MYO5A: variants seen among roughly 807,000 people sequenced by gnomAD.
The protein encoded by MYO5A is unconventional myosin-Va.
Under a neutral mutation model 249.7 loss-of-function variants are expected in MYO5A, and 98 were observed. The observed-to-expected ratio is 0.39, with a 90% CI of 0.33 to 0.46. The LOEUF (loss-of-function observed/expected upper bound fraction) is 0.46, where lower values mean the gene tolerates loss of function less well. Among genes scored for constraint, MYO5A ranks in the 20% least tolerant of loss-of-function variants. The pLI is 0.98. For synonymous variants in MYO5A, 778 were observed against 810.6 expected (o/e 0.96, Z 0.68); for missense variants, 1,696 against 2,308.8 (o/e 0.73, Z 5.44).
At chr15:52,458,755 AAT>A (rs2076170878) in intron 1 of MYO5A, among the ~76,000 whole-genome samples, 1 of 118,034 alleles carries the variant, frequency 8.5e-6, no homozygotes, top group South Asian at 3.4e-4. Flanking sequence ...TACAAATATA[AAT>A]AAATATAAAA....
rs2037747640 is a variant in MYO5A at position 52,310,704 on chromosome 15, G to A, written c.*2992C>T. 1 of 152,362 alleles carries A rather than the reference G, an allele frequency of 6.6e-6. No individual in the cohort carries two copies. The highest frequency in any genetic ancestry group is 2.1e-4 in the South Asian group (1 of 4,822). The allele number at this position is 152,362 out of a possible 1,614,324, so 9.4% of individuals were successfully genotyped here. A position where few individuals can be genotyped will look rare whatever the true frequency, so the allele number is the denominator to read the frequency against. The stretch of plus-strand genomic sequence containing the variant: ...CGATTAAGTTGAGGGAAGGGGAAGA[G>A]TGAATGAGTAGGGGAAAGGCTGGCA... On this transcript the variant is annotated 3_prime_UTR_variant, in exon 42 of 42. Transcript: ENST00000399233.
intron 1 of MYO5A, among the ~76,000 whole-genome samples, chr15:52,460,615 C>G (rs1184342350): frequency 3.3e-5 from 5 of 152,130 alleles, no homozygotes; most frequent in African/African-American, 1.2e-4. Flanking sequence ...AGCCTCGGCT[C>G]GGCATCAGAG....
intron 39 of MYO5A, among the ~76,000 whole-genome samples, chr15:52,317,834 T>C (rs187066815): frequency 3.3e-5 from 5 of 152,300 alleles, no homozygotes; most frequent in Admixed American, 2.0e-4. Flanking sequence ...AAAGACATTG[T>C]AGGTTTCACA....
chr15:52,384,145 A>C lies in MYO5A; in HGVS notation c.1914+16T>G, dbSNP rs1156307560. 7.4e-6 allele frequency: 12 copies of C among 1,613,946 alleles called. No individual in the cohort carries two copies. The South Asian group carries it at 1.2e-4, about 16-fold the overall frequency. On this transcript the variant is annotated intron_variant, in intron 15 of 41. Transcript: ENST00000399233. ...AGAAAGGAAGGAGCGTGGCAGCGGC[A>C]GCTCCCTGAACTCACCTGATGCCCC... is the stretch of plus-strand genomic sequence containing the variant.
chr15:52,410,182 A>G (rs2043187473), intron 6 of MYO5A, 151 bp downstream of exon 6: 2 of 985,644 alleles, frequency 2.0e-6, no homozygotes, highest in Non-Finnish European at 3.2e-6. Flanking sequence ...AACAGGCACC[A>G]TTTTACAGGC....
intron 1 of MYO5A, among the ~76,000 whole-genome samples, chr15:52,457,919 G>A (rs1033148913): frequency 4.6e-5 from 7 of 151,936 alleles, no homozygotes; most frequent in African/African-American, 1.5e-4. Flanking sequence ...AATACTATTC[G>A]GCCATAAAAA....
chr15:52,402,305 G>C (rs1406761087), intron 9 of MYO5A, among the ~76,000 whole-genome samples: 1 of 152,206 alleles, frequency 6.6e-6, no homozygotes, highest in Non-Finnish European at 1.5e-5. Context: ...GCACCAAAGT[G>C]TGGGTCAGGT....
At position 52,336,467 on chromosome 15, in the gene MYO5A, T is replaced by C. The variant is rs758035004; in HGVS notation, c.4404A>G (p.Leu1468=). ...TTGAAAAAAAGGTTTAAATACCTTC[T>C]AGTTCGCCAATTTTTTTGGCAAATA... The part of the protein sequence containing the change: ...LKVFAKKIGE[L]EVGQMENISP... Residue 1468 remains leucine (L), a synonymous_variant, in exon 34 of 42, where the codon CTA becomes CTG. Transcript: ENST00000399233. The C allele has an allele frequency of 1.3e-6, 2 of 1,595,506 alleles. No individual in the cohort carries two copies. Among genetic ancestry groups the C allele is most frequent in the Admixed American group, 1.7e-5 (1 of 58,620 alleles).
At chr15:52,518,143 C>G (rs1444982016) in intron 1 of MYO5A, among the ~76,000 whole-genome samples, 1 of 151,194 alleles carries the variant, frequency 6.6e-6, no homozygotes, top group East Asian at 1.9e-4. Context: ...AGATATCTAG[C>G]AATGTCTGTA....
chr15:52,340,061 T>A, intron 32 of MYO5A, 135 bp downstream of exon 32: 1 of 894,850 alleles, frequency 1.1e-6, no homozygotes. Flanking sequence ...ACTCTGTCTC[T>A]GCTGGAGTAA....
At chr15:52,479,109 C>T (rs2076661749) in intron 1 of MYO5A, among the ~76,000 whole-genome samples, 1 of 151,926 alleles carries the variant, frequency 6.6e-6, no homozygotes. Context: ...AATTCTCCTG[C>T]CTCAGCCTCC....
chr15:52,387,704 A>G (rs1242538452), intron 14 of MYO5A, 125 bp downstream of exon 14: 2 of 731,566 alleles, frequency 2.7e-6, no homozygotes, highest in South Asian at 1.6e-5. Context: ...TGACTAACAT[A>G]CTAAGTGTTA....
chr15:52,366,991 T>G (rs758238781), intron 23 of MYO5A, 40 bp downstream of exon 23: 7 of 1,443,190 alleles, frequency 4.9e-6, no homozygotes, highest in Non-Finnish European at 6.8e-6. Flanking sequence ...ATAACTTTGG[T>G]GTGAGGTTGG....
intron 1 of MYO5A, among the ~76,000 whole-genome samples, chr15:52,478,115 G>A (rs2076636382): frequency 6.6e-6 from 1 of 152,204 alleles, no homozygotes; most frequent in South Asian, 2.1e-4. Context: ...GCAATGGCGG[G>A]CACCCCTCCC....
intron 23 of MYO5A, 65 bp from the exon 24 acceptor site, chr15:52,364,767 G>A (rs1028109897): frequency 9.6e-6 from 15 of 1,568,466 alleles, no homozygotes; most frequent in East Asian, 2.2e-5. Context: ...GTGTAAACAT[G>A]TATACTGATT....
chr15:52,526,489 G>T (rs2077732748), intron 1 of MYO5A, among the ~76,000 whole-genome samples: 2 of 152,254 alleles, frequency 1.3e-5, no homozygotes, highest in Admixed American at 1.3e-4. Flanking sequence ...AGCCTCCTGA[G>T]TAGCTGGGAT....
At chr15:52,522,263 G>A (rs1314166702) in intron 1 of MYO5A, among the ~76,000 whole-genome samples, 3 of 152,276 alleles carry the variant, frequency 2.0e-5, no homozygotes, top group Admixed American at 6.5e-5. Context: ...TGTTTGTGGC[G>A]GTGGTTACAT....
At chr15:52,417,703 G>A (rs2043572110) in intron 4 of MYO5A, among the ~76,000 whole-genome samples, 3 of 152,214 alleles carry the variant, frequency 2.0e-5, no homozygotes, top group Admixed American at 6.5e-5. Flanking sequence ...CATCACGGGA[G>A]TGGGCTCCTG....
intron 27 of MYO5A, among the ~76,000 whole-genome samples, chr15:52,352,085 T>C (rs749302409): frequency 5.3e-5 from 8 of 152,226 alleles, no homozygotes; most frequent in Non-Finnish European, 8.8e-5. Flanking sequence ...GACGCACTTG[T>C]GACATTGTGG....
Sources: gnomAD v4.1 joint callset for allele counts (sites outside exome capture counted in the v4.1 genomes callset) on GRCh38, gnomAD v4.1.1 for gene constraint, MANE v1.5 for transcripts, NCBI Gene and HGNC (gene_info 2026-07-23, HGNC 2026-07-21) for gene names.